Variants in NCOR2 observed in about 807,000 individuals in gnomAD.
NCOR2 encodes the protein CTG repeat protein 26.
A neutral mutation model predicts 262.9 loss-of-function variants in NCOR2; 81 were observed. That is an observed-to-expected ratio of 0.31 (90% CI 0.26 to 0.37). The LOEUF (loss-of-function observed/expected upper bound fraction) is 0.37. Ranked by LOEUF, NCOR2 falls within the 10% of genes least tolerant of loss-of-function variation. The probability of loss-of-function intolerance (pLI) is 1.00; values close to 1 mark genes in which losing one functional copy is unlikely to be tolerated. For missense variants in NCOR2, 3,385 were observed against 3,621.4 expected, an observed-to-expected ratio of 0.93 and a Z score of 1.68; for synonymous variants, 1,659 against 1,559.3, an observed-to-expected ratio of 1.06 and a Z score of -1.51.
chr12:124,472,954 GCTT>G, exon 4 of NCOR2: 1 of 1,614,128 alleles, frequency 6.2e-7, no homozygotes, highest in Non-Finnish European at 8.5e-7. Flanking sequence ...ATTCACACCT[GCTT>G]CTTCTTCAGC....
chr12:124,347,934 A>G (rs761268100), intron 29 of NCOR2, 23 bp from the exon 32 acceptor site: 1 of 1,552,306 alleles, frequency 6.4e-7, no homozygotes, highest in South Asian at 1.2e-5. Context: ...GGGTGAGGCC[A>G]TCATTCCGTG....
chr12:124,475,206 G>A (rs756503613), intron 3 of NCOR2, among the ~76,000 whole-genome samples: 7 of 152,138 alleles, frequency 4.6e-5, no homozygotes, highest in Non-Finnish European at 7.4e-5. Flanking sequence ...GGGAAACAGA[G>A]AAAAGGGCTC....
At chr12:124,349,323 A>C (rs1308384037) in intron 28 of NCOR2, among the ~76,000 whole-genome samples, 2 of 152,072 alleles carry the variant, frequency 1.3e-5, no homozygotes, top group African/African-American at 2.4e-5. Flanking sequence ...CCCCCGCCCC[A>C]CCCCTCAGAG....
exon 36 of NCOR2, chr12:124,340,315 G>T: frequency 1.2e-6 from 2 of 1,612,130 alleles, no homozygotes; most frequent in Non-Finnish European, 8.5e-7. Flanking sequence ...ATGGGTGCGT[G>T]CTCCACCGTC....
intron 1 of NCOR2, among the ~76,000 whole-genome samples, chr12:124,509,245 G>GGT (rs2049252767): frequency 1.4e-5 from 2 of 144,472 alleles, no homozygotes; most frequent in African/African-American, 5.8e-5. Flanking sequence ...TGGGGGGGGG[G>GGT]GGGGCTTAAC....
chr12:124,460,697 T>A (rs960843967), intron 5 of NCOR2, among the ~76,000 whole-genome samples: 1 of 152,188 alleles, frequency 6.6e-6, no homozygotes, highest in Non-Finnish European at 1.5e-5. Context: ...ATTTTACAGA[T>A]GGGGAAACTG....
At position 124,451,482 on chromosome 12, in the gene NCOR2, G is replaced by A. The variant is rs147953480; in HGVS notation, c.763-1615C>T. On this transcript the variant is annotated intron_variant, in intron 6 of 46. Transcript: ENST00000405201. ...CCCACAGCTGGTAAGAGATGAGCCT[G>A]AATGACAGCCCGCCTCTCAGCCCCA... 2.5e-3 allele frequency among the ~76,000 whole-genome samples: 378 copies of A among 152,336 alleles called. 1 individual carries two copies. The highest frequency in any genetic ancestry group is 4.2e-3 in the Non-Finnish European group (289 of 68,030).
chr12:124,372,382 G>A (rs746076517), exon 20 of NCOR2: 1 of 1,507,382 alleles, frequency 6.6e-7, no homozygotes, highest in South Asian at 1.3e-5. Context: ...AGGAGGTGCA[G>A]AGGGCGATGG....
At chr12:124,449,042 G>A (rs936422283) in intron 7 of NCOR2, among the ~76,000 whole-genome samples, 4 of 152,134 alleles carry the variant, frequency 2.6e-5, no homozygotes, top group South Asian at 2.1e-4. Flanking sequence ...TACCTTTTGG[G>A]TTCCTGGGCA....
chr12:124,533,756 G>A (rs552289838), intron 1 of NCOR2, among the ~76,000 whole-genome samples: 5 of 152,274 alleles, frequency 3.3e-5, no homozygotes, highest in East Asian at 1.9e-4. Flanking sequence ...AGCTGGTGCT[G>A]TGGCTGTGGG....
At chr12:124,435,518 C>T (rs1593526640) in intron 8 of NCOR2, among the ~76,000 whole-genome samples, 1 of 152,332 alleles carries the variant, frequency 6.6e-6, no homozygotes, top group Middle Eastern at 3.4e-3. Flanking sequence ...GAAGTGTCTC[C>T]TCCCTCTAGT....
intron 4 of NCOR2, among the ~76,000 whole-genome samples, chr12:124,469,053 T>C (rs887562777): frequency 8.1e-5 from 12 of 148,824 alleles, no homozygotes; most frequent in African/African-American, 3.0e-4. Context: ...CTAACACAGT[T>C]GGAAAGAGCA....
intron 44 of NCOR2, among the ~76,000 whole-genome samples, chr12:124,330,538 AGCTGAG>A (rs987893787): frequency 1.2e-4 from 18 of 152,328 alleles, no homozygotes; most frequent in African/African-American, 4.3e-4. Context: ...GTGCATCTCC[AGCTGAG>A]GCTGGCGAAG....
chr12:124,382,501 G>C (rs942920349), intron 17 of NCOR2, among the ~76,000 whole-genome samples: 1 of 152,226 alleles, frequency 6.6e-6, no homozygotes, highest in East Asian at 1.9e-4. Flanking sequence ...GGGGACAGAA[G>C]GGCCACCTTC....
rs771082221 is a variant in NCOR2, at chr12:124,340,763, G to A, written c.5189-12C>T. ...CAGGTCGATGATGCCTGCGGGAGGT[G>A]TTGGGCCAGGGCTGTAGCCACAGGG... On this transcript the variant is annotated splice_polypyrimidine_tract_variant and intron_variant, in intron 34 of 46. Transcript: ENST00000405201. The A allele has an allele frequency of 3.0e-5, 46 of 1,525,846 alleles. No homozygotes were observed. The highest frequency in any genetic ancestry group is 3.4e-4 in the Middle Eastern group (2 of 5,816). 94.5% of individuals were successfully genotyped at this position (1,525,846 alleles called of 1,614,324 possible).
intron 1 of NCOR2, among the ~76,000 whole-genome samples, chr12:124,520,053 G>A (rs558475540): frequency 6.6e-5 from 10 of 152,356 alleles, no homozygotes; most frequent in African/African-American, 1.9e-4. Flanking sequence ...GGACTGGCAG[G>A]GGGCCCAGAC....
intron 37 of NCOR2, 44 bp from the exon 40 acceptor site, chr12:124,337,224 C>T: frequency 6.5e-7 from 1 of 1,540,110 alleles, no homozygotes; most frequent in Non-Finnish European, 8.8e-7. Flanking sequence ...GGGAGCTGCC[C>T]TCTTCCTCCA....
At chr12:124,472,172 T>C (rs750394139) in intron 4 of NCOR2, among the ~76,000 whole-genome samples, 6 of 152,196 alleles carry the variant, frequency 3.9e-5, no homozygotes, top group Non-Finnish European at 7.3e-5. Context: ...GAGACCTGAA[T>C]GATACCAGGG....
intron 15 of NCOR2, among the ~76,000 whole-genome samples, chr12:124,399,431 C>G (rs1220086324): frequency 2.6e-5 from 4 of 152,152 alleles, no homozygotes; most frequent in Non-Finnish European, 4.4e-5. Flanking sequence ...GAAGAAAGCC[C>G]TTTCACCCTG....
Sources: gnomAD v4.1 joint callset for allele counts (sites outside exome capture counted in the v4.1 genomes callset) on GRCh38, gnomAD v4.1.1 for gene constraint, MANE v1.5 for transcripts, NCBI Gene and HGNC (gene_info 2026-07-23, HGNC 2026-07-21) for gene names.